The following PUM1 variants were observed in gnomAD, a reference collection of about 807,000 sequenced individuals.
The protein encoded by PUM1 is pumilio homolog 1.
PUM1 carries 13 observed loss-of-function variants against 131.8 expected under a neutral mutation model. That is an observed-to-expected ratio of 0.10 (90% CI 0.06 to 0.16). PUM1 has a LOEUF of 0.16. Ranked by LOEUF, PUM1 falls within the 10% of genes least tolerant of loss-of-function variation. The pLI is 1.00. For missense variants in PUM1, 961 were observed against 1,512.4 expected (o/e 0.64, Z 6.05); for synonymous variants, 509 against 556.5 (o/e 0.91, Z 1.20).
chr1:31,026,990 A>G (rs1383774504), intron 3 of PUM1, among the ~76,000 whole-genome samples: 2 of 151,976 alleles, frequency 1.3e-5, no homozygotes, highest in South Asian at 2.1e-4. Flanking sequence ...AAAAAATGAT[A>G]AAAAAAGAAT....
chr1:31,026,644 G>C (rs1033788856), intron 3 of PUM1, among the ~76,000 whole-genome samples: 1 of 152,190 alleles, frequency 6.6e-6, no homozygotes, highest in Non-Finnish European at 1.5e-5. Flanking sequence ...ATGCCTTGCA[G>C]TGGGAGGAAG....
chr1:30,957,155 T>C (rs368731119), intron 14 of PUM1, among the ~76,000 whole-genome samples: 3 of 150,916 alleles, frequency 2.0e-5, no homozygotes, highest in Admixed American at 6.6e-5. Context: ...TAGACATCTC[T>C]GAAGTGAAAT....
chr1:31,049,133 A>T (rs2124584966), intron 2 of PUM1, among the ~76,000 whole-genome samples: 1 of 152,240 alleles, frequency 6.6e-6, no homozygotes, highest in Non-Finnish European at 1.5e-5. Context: ...TGAACCTGGG[A>T]GGAGGAGGTT....
At chr1:31,021,932 T>C (rs977453020) in intron 3 of PUM1, among the ~76,000 whole-genome samples, 10 of 151,724 alleles carry the variant, frequency 6.6e-5, no homozygotes, top group Non-Finnish European at 1.5e-4. Flanking sequence ...ACTTCTCTAA[T>C]CCTTGTTCAC....
intron 2 of PUM1, among the ~76,000 whole-genome samples, chr1:31,048,001 G>A (rs2124582834): frequency 1.3e-5 from 2 of 151,858 alleles, no homozygotes; most frequent in African/African-American, 4.8e-5. Flanking sequence ...AGCACTTTGG[G>A]AGGCCGAGGC....
chr1:30,977,191 T>C (rs1641170700), intron 9 of PUM1, among the ~76,000 whole-genome samples: 1 of 152,202 alleles, frequency 6.6e-6, no homozygotes. Flanking sequence ...AGATGAACTG[T>C]GTGTTATGTG....
intron 16 of PUM1, among the ~76,000 whole-genome samples, chr1:30,951,827 C>T (rs1639947557): frequency 6.6e-6 from 1 of 152,196 alleles, no homozygotes; most frequent in African/African-American, 2.4e-5. Context: ...ATACTGGAGT[C>T]GGTGTCCAAA....
chr1:30,981,557 T>TA (rs924188201), intron 7 of PUM1, 152 bp from the exon 8 acceptor site: 1 of 533,690 alleles, frequency 1.9e-6, no homozygotes, highest in Non-Finnish European at 3.4e-6. Context: ...CCCATGGGAT[T>TA]AAAATGTTTC....
chr1:30,993,170 C>A lies in PUM1; in HGVS notation c.888-510G>T, dbSNP rs551172896. ...TTTTACATGTCGTTGGTATTACTGA[C>A]CAATGTTAAAACTAACTCCCCTTTC... On this transcript the variant is annotated intron_variant, in intron 6 of 21. Transcript: ENST00000426105. Among the ~76,000 whole-genome samples, 6 of 152,100 alleles carry A rather than the reference C, an allele frequency of 3.9e-5. No individual in the cohort carries two copies. The East Asian group carries it at 1.2e-3, about 29-fold the overall frequency.
chr1:30,967,417 G>T, intron 11 of PUM1, 107 bp from the exon 12 acceptor site: 1 of 1,136,758 alleles, frequency 8.8e-7, no homozygotes, highest in Non-Finnish European at 1.3e-6. Context: ...GGTTGAATTG[G>T]CCAGATTTAT....
chr1:30,998,545 G>A (rs1434538141), intron 5 of PUM1, among the ~76,000 whole-genome samples: 1 of 152,236 alleles, frequency 6.6e-6, no homozygotes, highest in South Asian at 2.1e-4. Context: ...TCAGGAGGCT[G>A]AGGCAAGAAG....
chr1:31,031,885 CCTCTCT>C (rs5773334), intron 2 of PUM1, among the ~76,000 whole-genome samples: 187 of 148,266 alleles, frequency 1.3e-3, no homozygotes, highest in Admixed American at 2.0e-3. Flanking sequence ...CTCCCCTGGC[CCTCTCT>C]CTCTCTCTCT....
chr1:30,986,407 T>C (rs889386126), intron 7 of PUM1, among the ~76,000 whole-genome samples: 4 of 152,342 alleles, frequency 2.6e-5, no homozygotes, highest in Middle Eastern at 3.4e-3. Flanking sequence ...TTCCTCAGCA[T>C]ATGAAATTTG....
chr1:31,054,661 CAT>C (rs1465860515), intron 2 of PUM1, among the ~76,000 whole-genome samples: 1 of 151,686 alleles, frequency 6.6e-6, no homozygotes, highest in Non-Finnish European at 1.5e-5. Context: ...ACTTAGAACA[CAT>C]ATGTAATAAA....
intron 2 of PUM1, among the ~76,000 whole-genome samples, chr1:31,058,661 T>TA (rs11418698): frequency 0.39 from 48,753 of 125,154 alleles, 9,007 homozygotes; most frequent in Admixed American, 0.48. Context: ...GACTCCGTCT[T>TA]AAAAAAAAAA....
intron 2 of PUM1, among the ~76,000 whole-genome samples, chr1:31,050,632 G>A (rs367877869): frequency 6.6e-6 from 1 of 152,198 alleles, no homozygotes; most frequent in Non-Finnish European, 1.5e-5. Flanking sequence ...GCTTTAACAT[G>A]TTAACCAAAT....
At position 30,974,693 on chromosome 1, in the gene PUM1, A is replaced by G. The variant is rs377682949; in HGVS notation, c.1464T>C (p.Ala488=). The change falls in exon 10 of 22, where the codon GCT becomes GCC. Residue 488 remains alanine, a synonymous_variant. Transcript: ENST00000426105. ...AAAAAAATNS[A]NQQTTPQAQQ... is the part of the protein sequence containing the mutation. ...GAGCCTGTGGGGTGGTCTGTTGATT[A>G]GCTGAATTAGTTGCTGCAGCGGCAG... 60 of 1,610,762 alleles carry G rather than the reference A, an allele frequency of 3.7e-5. No individual in the cohort carries two copies. Among genetic ancestry groups the G allele is most frequent in the Non-Finnish European group, 4.8e-5 (57 of 1,179,068 alleles).
At chr1:30,938,528 C>T (rs1341113581) in intron 20 of PUM1, among the ~76,000 whole-genome samples, 1 of 152,002 alleles carries the variant, frequency 6.6e-6, no homozygotes, top group East Asian at 1.9e-4. Flanking sequence ...GTTGGGATTA[C>T]AGGTATGAGC....
At chr1:30,992,305 C>G (rs1641823110) in intron 7 of PUM1, 85 bp downstream of exon 7, 1 of 1,528,064 alleles carries the variant, frequency 6.5e-7, no homozygotes, top group Non-Finnish European at 8.9e-7. Flanking sequence ...ATGCCACCAC[C>G]TCCCCCATCC....
Sources: gnomAD v4.1 joint callset for allele counts (sites outside exome capture counted in the v4.1 genomes callset) on GRCh38, gnomAD v4.1.1 for gene constraint, MANE v1.5 for transcripts, NCBI Gene and HGNC (gene_info 2026-07-23, HGNC 2026-07-21) for gene names.